TBRG4: variants seen among roughly 807,000 people sequenced by gnomAD.
The protein encoded by TBRG4 is transforming growth factor beta regulator 4, also known as FAST kinase domain-containing protein 4.
TBRG4 carries 43 observed loss-of-function variants against 65.6 expected under a neutral mutation model. The ratio of observed to expected loss-of-function variants is 0.66; its 90% CI spans 0.51 to 0.85. TBRG4 has a LOEUF of 0.85. Ranked by LOEUF, TBRG4 falls within the 40% of genes least tolerant of loss-of-function variation. The pLI is 0.00. For synonymous variants in TBRG4, 366 were observed against 341.4 expected, an observed-to-expected ratio of 1.07 and a Z score of -0.79; for missense variants, 709 against 787.9, an observed-to-expected ratio of 0.90 and a Z score of 1.20.
In TBRG4 at chr7:45,109,573, G is replaced by T. The variant is rs865819561; in HGVS notation, c.-50-286C>A. 2.0e-5 allele frequency among the ~76,000 whole-genome samples: 3 copies of T among 152,102 alleles called. No individual in the cohort carries two copies. In the South Asian group the frequency reaches 6.2e-4, roughly 31 times the overall value. The stretch of plus-strand genomic sequence containing the variant: ...ACCTAGGATGTGGTTCAATAATTCA[G>T]ATTCCCAGGTCCTGCCCAAGGCCTC... On this transcript the variant is annotated intron_variant, in intron 1 of 10. Transcript: ENST00000258770.
chr7:45,110,251 CTTG>C (rs1329896141), intron 1 of TBRG4, among the ~76,000 whole-genome samples: 1 of 152,172 alleles, frequency 6.6e-6, no homozygotes, highest in African/African-American at 2.4e-5. Context: ...CCTTACAGGG[CTTG>C]TTATCTGGGT....
At chr7:45,110,624 G>C (rs1486656434) in intron 1 of TBRG4, 1 of 149,444 alleles carries the variant, frequency 6.7e-6, no homozygotes, top group Admixed American at 6.7e-5. Context: ...CTGGGTGGCA[G>C]AGCGAGACTC....
chr7:45,105,940 C>T (rs145424774), intron 2 of TBRG4, 176 bp from the exon 3 acceptor site: 302 of 874,612 alleles, frequency 3.5e-4, no homozygotes, highest in Non-Finnish European at 9.0e-5. Context: ...CTCCTCACAG[C>T]CTTGCTCAGC....
Position 45,108,644 on chromosome 7 carries a change from C to T in TBRG4, c.411+183G>A, listed in dbSNP as rs184626674. Among the ~76,000 whole-genome samples the T allele has an allele frequency of 1.2e-3, 185 of 152,326 alleles. 1 individual carries two copies. In the Middle Eastern group the frequency reaches 0.017, roughly 14 times the overall value. ...GCATAGCAATATTTACCTAACAGGC[C>T]TCTTGTAAGGATAAACAAAGAGAAA... On this transcript the variant is annotated intron_variant, in intron 2 of 10. Coordinates refer to ENST00000258770, the MANE Select transcript of TBRG4 (RefSeq NM_004749.4).
chr7:45,104,841 TA>T, intron 3 of TBRG4, 132 bp from the exon 4 acceptor site: 1 of 1,372,248 alleles, frequency 7.3e-7, no homozygotes, highest in South Asian at 1.2e-5. Flanking sequence ...CTGAGCTGAC[TA>T]AACACAGGAC....
At chr7:45,106,383 A>C in intron 2 of TBRG4, 1 of 174,888 alleles carries the variant, frequency 5.7e-6, no homozygotes, top group Non-Finnish European at 1.2e-5. Flanking sequence ...GCTGCAAGTA[A>C]AGCTGTCAAA....
chr7:45,109,970 C>CAAAAA (rs11311938), intron 1 of TBRG4, among the ~76,000 whole-genome samples: 3 of 107,884 alleles, frequency 2.8e-5, no homozygotes, highest in Non-Finnish European at 3.7e-5. Flanking sequence ...GACTCCATCT[C>CAAAAA]AAAAAAAAAA....
chr7:45,108,969 C>G lies in TBRG4; in HGVS notation c.269G>C (p.Gly90Ala), dbSNP rs1248932388. Residue 90 changes from glycine (G) to alanine (A), a missense_variant, in exon 2 of 11, where the codon GGT (glycine) becomes GCT (alanine). Physicochemically the swap from Gly to Ala is moderately conservative, Grantham distance 60 (BLOSUM62 0). Transcript: ENST00000258770. ...ATTGCTGTCCAAGTCGTGACTGCCA[C>G]CAAGTAGCTCCAGGAGCTCCTCTGG... is the stretch of plus-strand genomic sequence containing the variant. ...TRPEELLELLGGSHDLDSNQA... is the reference protein window; with the variant it reads ...TRPEELLELLAGSHDLDSNQA... 6.2e-7 allele frequency: 1 copy of G among 1,612,536 alleles called. No homozygotes were observed. Among genetic ancestry groups the G allele is most frequent in the African/African-American group, 1.3e-5 (1 of 74,822 alleles).
intron 4 of TBRG4, 104 bp downstream of exon 4, chr7:45,104,434 G>A (rs1393427924): frequency 6.3e-7 from 1 of 1,588,006 alleles, no homozygotes; most frequent in African/African-American, 1.3e-5. Context: ...AGCCTTCTGG[G>A]CCAGTGCCTA....
In TBRG4 at chr7:45,100,228, G is replaced by T; in HGVS notation, c.*97C>A. 1 of 988,454 alleles carries T rather than the reference G, an allele frequency of 1.0e-6. No homozygotes were observed. The highest frequency in any genetic ancestry group is 1.5e-6 in the Non-Finnish European group (1 of 663,886). The allele number at this position is 988,454 out of a possible 1,614,324, so 61.2% of individuals were successfully genotyped here. A position where few individuals can be genotyped will look rare whatever the true frequency, so the allele number is the denominator to read the frequency against. On this transcript the variant is annotated 3_prime_UTR_variant, in exon 11 of 11. Coordinates refer to ENST00000258770, the MANE Select transcript of TBRG4 (RefSeq NM_004749.4). ...GGCCACCCTCCCCACTCTGGCCAAG[G>T]TCCTGCACAGAGGTTTGTCCTCAAG...
chr7:45,102,550 C>A, intron 6 of TBRG4, 59 bp from the exon 7 acceptor site: 1 of 1,573,790 alleles, frequency 6.4e-7, no homozygotes, highest in East Asian at 2.2e-5. Flanking sequence ...TGCAAATAGC[C>A]ATGGGTGAGA....
At position 45,108,794 on chromosome 7, in the gene TBRG4, GTCTA is replaced by G. The variant is rs1785033094; in HGVS notation, c.411+29_411+32del. 4.7e-6 allele frequency: 7 copies of G among 1,495,066 alleles called. No individual in the cohort carries two copies. The East Asian group carries it at 1.6e-4, about 35-fold the overall frequency. 92.6% of individuals were successfully genotyped at this position (1,495,066 alleles called of 1,614,324 possible). A position where few individuals can be genotyped will look rare whatever the true frequency, so the allele number is the denominator to read the frequency against. ...CAGCATTTCTGGCTGTTTTCCTCTT[GTCTA>G]TGCTCTCAGACCACACTCCGGCACC... On this transcript the variant is annotated intron_variant, in intron 2 of 10. Transcript: ENST00000258770.
chr7:45,102,168 C>T, intron 7 of TBRG4, 98 bp from the exon 8 acceptor site: 1 of 1,529,558 alleles, frequency 6.5e-7, no homozygotes, highest in Non-Finnish European at 8.8e-7. Flanking sequence ...AGTCCCAGCC[C>T]AGTTTTCTGG....
At chr7:45,102,636 TG>T in intron 6 of TBRG4, 145 bp from the exon 7 acceptor site, 1 of 1,140,476 alleles carries the variant, frequency 8.8e-7, no homozygotes, top group South Asian at 1.6e-5. Flanking sequence ...GGCAGAACCC[TG>T]GCCCTTGGTG....
intron 5 of TBRG4, 57 bp from the exon 6 acceptor site, chr7:45,103,500 C>T (rs1260209328): frequency 1.4e-6 from 2 of 1,380,932 alleles, no homozygotes; most frequent in Non-Finnish European, 2.0e-6. Context: ...AGCACGCTGT[C>T]CTCCTGCCTG....
chr7:45,100,421 T>C lies in TBRG4; in HGVS notation c.1800A>G (p.Pro600=). 6.2e-7 allele frequency: 1 copy of C among 1,614,028 alleles called. No homozygotes were observed. The change falls in exon 11 of 11, where the codon CCA becomes CCG. Residue 600 remains proline (P), a synonymous_variant. Coordinates refer to ENST00000258770, the MANE Select transcript of TBRG4 (RefSeq NM_004749.4). ...ACTTGAGTTCCAGCCACTCATAGAA[T>C]GGGACCTAGAAGGAGGCAGGGGAGA... The part of the protein sequence containing the change: ...VAAGFLIVDV[P]FYEWLELKSE...
At chr7:45,106,370 T>C (rs1294238924) in intron 2 of TBRG4, 1 of 177,524 alleles carries the variant, frequency 5.6e-6, no homozygotes, top group African/African-American at 2.3e-5. Context: ...CACGTAGACT[T>C]CAGCTGCAAG....
chr7:45,105,273 G>C, intron 3 of TBRG4, 168 bp downstream of exon 3: 2 of 739,114 alleles, frequency 2.7e-6, no homozygotes, highest in Non-Finnish European at 4.4e-6. Context: ...TTGCAGCTCC[G>C]AGCCCTCTGG....
chr7:45,102,258 C>T (rs761987055), intron 7 of TBRG4, 89 bp downstream of exon 7: 2 of 1,583,132 alleles, frequency 1.3e-6, no homozygotes, highest in South Asian at 1.2e-5. Context: ...GAGCCCTGGC[C>T]TCCATCTGCC....
Sources: allele counts gnomAD v4.1 joint callset (sites outside exome capture counted in the v4.1 genomes callset), GRCh38; gene constraint gnomAD v4.1.1; transcripts MANE v1.5; gene names NCBI Gene and HGNC (gene_info 2026-07-23, HGNC 2026-07-21).